SCNN1B: variants seen among roughly 807,000 people sequenced by gnomAD.
SCNN1B encodes the protein epithelial sodium channel subunit beta.
SCNN1B carries 46 observed loss-of-function variants against 65.3 expected under a neutral mutation model. That is an observed-to-expected ratio of 0.70 (90% confidence interval 0.56 to 0.90). The LOEUF (loss-of-function observed/expected upper bound fraction) is 0.90. Ranked by LOEUF, SCNN1B falls within the 40% of genes least tolerant of loss-of-function variation. SCNN1B has a pLI of 0.00. For synonymous variants in SCNN1B, 349 were observed against 330.6 expected, an observed-to-expected ratio of 1.06 and a Z score of -0.60; for missense variants, 751 against 830.5, an observed-to-expected ratio of 0.90 and a Z score of 1.18.
chr16:23,343,247 G>A (rs1962089380), intron 1 of SCNN1B, among the ~76,000 whole-genome samples: 6 of 151,804 alleles, frequency 4.0e-5, no homozygotes, highest in Admixed American at 3.3e-4. Flanking sequence ...CAGGTCAGGA[G>A]ATCGAGACCA....
At chr16:23,308,125 G>T (rs963970661) in intron 1 of SCNN1B, among the ~76,000 whole-genome samples, 2 of 152,180 alleles carry the variant, frequency 1.3e-5, no homozygotes, top group Non-Finnish European at 2.9e-5. Context: ...GATTGCTTGA[G>T]CCCAGGAGTT....
At chr16:23,343,587 GAA>G (rs1226020743) in intron 1 of SCNN1B, among the ~76,000 whole-genome samples, 1 of 42,266 alleles carries the variant, frequency 2.4e-5, no homozygotes, top group African/African-American at 8.1e-5. Context: ...AAAAGAGAAA[GAA>G]AGAAAGAAAG....
chr16:23,364,908 C>A (rs1962617604), intron 4 of SCNN1B, among the ~76,000 whole-genome samples: 1 of 151,990 alleles, frequency 6.6e-6, no homozygotes, highest in African/African-American at 2.4e-5. Flanking sequence ...GGTGGATTGC[C>A]TGAGGTCAGG....
At chr16:23,367,830 C>T (rs1244856691) in intron 4 of SCNN1B, 26 bp from the exon 5 acceptor site, 1 of 1,567,684 alleles carries the variant, frequency 6.4e-7, no homozygotes, top group Non-Finnish European at 8.8e-7. Flanking sequence ...TGGAACCTGC[C>T]CTGCAGCTGA....
rs1193783423 is a variant in SCNN1B at position 23,305,540 on chromosome 16, A to G, written c.-9+3103A>G. 1.6e-4 allele frequency among the ~76,000 whole-genome samples: 4 copies of G among 25,304 alleles called. No homozygotes were observed. The Admixed American group carries it at 1.7e-3, about 11-fold the overall frequency. 16.6% of individuals were successfully genotyped at this position (25,304 alleles called of 152,430 possible). ...TCTCTACCAAATATATATATTATATATATATATATATATATATATATATAT... is the reference window on the plus strand; with the variant it reads ...TCTCTACCAAATATATATATTATATGTATATATATATATATATATATATAT... On this transcript the variant is annotated intron_variant, in intron 1 of 12. Transcript: ENST00000343070.
At chr16:23,353,399 G>A (rs905873669) in intron 3 of SCNN1B, among the ~76,000 whole-genome samples, 14 of 152,276 alleles carry the variant, frequency 9.2e-5, no homozygotes, top group East Asian at 3.9e-4. Flanking sequence ...ATCTTTCTCC[G>A]TCTTGGTTCA....
upstream of SCNN1B, among the ~76,000 whole-genome samples, chr16:23,300,442 G>A (rs1229528815): frequency 1.3e-5 from 2 of 151,980 alleles, no homozygotes; most frequent in African/African-American, 2.4e-5. Flanking sequence ...GATTGCAGCC[G>A]ACTGAATACG....
intron 1 of SCNN1B, among the ~76,000 whole-genome samples, chr16:23,344,265 G>A (rs1470393619): frequency 6.6e-6 from 1 of 152,236 alleles, no homozygotes; most frequent in African/African-American, 2.4e-5. Context: ...CTGAGCCTGA[G>A]GCCTCATTGT....
chr16:23,343,610 A>G (rs1252261798), intron 1 of SCNN1B, among the ~76,000 whole-genome samples: 2 of 122,286 alleles, frequency 1.6e-5, no homozygotes, highest in East Asian at 6.2e-4. Context: ...AAAGAAAGAA[A>G]GAAAGAAAGA....
At position 23,305,571 on chromosome 16, in the gene SCNN1B, TATATATTA is replaced by T. The variant is rs1567290428; in HGVS notation, c.-9+3135_-9+3142del. 2.0e-3 allele frequency among the ~76,000 whole-genome samples: 67 copies of T among 33,654 alleles called. 4 individuals carry two copies. The highest frequency in any genetic ancestry group is 8.7e-3 in the African/African-American group (62 of 7,098). The allele number at this position is 33,654 out of a possible 152,430, so 22.1% of individuals were successfully genotyped here. On this transcript the variant is annotated intron_variant, in intron 1 of 12. Transcript: ENST00000343070. ...ATATATATATATATATATATATATA[TATATATTA>T]TATATATATATATATATATAACCTG... is the stretch of plus-strand genomic sequence containing the variant.
At chr16:23,303,056 A>G (rs1961119995) in intron 1 of SCNN1B, among the ~76,000 whole-genome samples, 1 of 152,136 alleles carries the variant, frequency 6.6e-6, no homozygotes, top group African/African-American at 2.4e-5. Flanking sequence ...GATGTGGTGG[A>G]GGAGGCCAGA....
At chr16:23,294,301 A>G (rs902813031) in intron 2 of SCNN1B, among the ~76,000 whole-genome samples, 5 of 152,066 alleles carry the variant, frequency 3.3e-5, no homozygotes, top group African/African-American at 1.2e-4. Flanking sequence ...GGAGGCTGAG[A>G]CACGAGAATC....
chr16:23,334,065 T>C (rs1961885283), intron 1 of SCNN1B, among the ~76,000 whole-genome samples: 1 of 152,062 alleles, frequency 6.6e-6, no homozygotes, highest in South Asian at 2.1e-4. Flanking sequence ...CCCTGCCCCA[T>C]AGAATGAGAG....
At chr16:23,335,509 G>A (rs1034915036) in intron 1 of SCNN1B, among the ~76,000 whole-genome samples, 37 of 148,122 alleles carry the variant, frequency 2.5e-4, no homozygotes, top group African/African-American at 9.1e-4. Context: ...AGGCCGGAGG[G>A]CAGGCTTGGC....
At chr16:23,291,475 A>AGT (rs71858801) in intron 2 of SCNN1B, among the ~76,000 whole-genome samples, 11,124 of 145,428 alleles carry the variant, frequency 0.076, 696 homozygotes, top group African/African-American at 0.18. Flanking sequence ...TGTGTGTGTA[A>AGT]GTGTGTGTGT....
At chr16:23,354,379 G>A (rs1962373660) in intron 3 of SCNN1B, among the ~76,000 whole-genome samples, 1 of 152,248 alleles carries the variant, frequency 6.6e-6, no homozygotes. Context: ...GAAGGGTGGT[G>A]TAAGAATGCC....
chr16:23,321,121 A>C (rs758306008), intron 1 of SCNN1B, among the ~76,000 whole-genome samples: 6 of 152,134 alleles, frequency 3.9e-5, no homozygotes, highest in Non-Finnish European at 8.8e-5. Flanking sequence ...AGCCGACTGC[A>C]ACCTCCGTCT....
chr16:23,348,833 G>A lies in SCNN1B; in HGVS notation c.234G>A (p.Glu78=), dbSNP rs1405881451. 7 of 1,614,038 alleles carry A rather than the reference G, an allele frequency of 4.3e-6. No homozygotes were observed. The highest frequency in any genetic ancestry group is 5.9e-6 in the Non-Finnish European group (7 of 1,180,050). The change falls in exon 2 of 13, where the codon GAG becomes GAA. Residue 78 remains glutamate (E), a synonymous_variant. Coordinates refer to ENST00000343070, the MANE Select transcript of SCNN1B (RefSeq NM_000336.3). The surrounding 1 kb of genome is among the most constrained non-coding windows in gnomAD (Gnocchi z 4.5). Reference sequence around the variant, plus strand: ...TCATCAGGACCTACTTGAGCTGGGAGGTCAGCGTCTCCCTCTCCGTAGGCT... The same window carrying A: ...TCATCAGGACCTACTTGAGCTGGGAAGTCAGCGTCTCCCTCTCCGTAGGCT... ...GIFIRTYLSW[E]VSVSLSVGFK...
upstream of SCNN1B, among the ~76,000 whole-genome samples, chr16:23,300,276 C>A (rs1415444381): frequency 6.6e-6 from 1 of 151,954 alleles, no homozygotes; most frequent in African/African-American, 2.4e-5. Flanking sequence ...ACCACCATGG[C>A]ACGTGTATAC....
Sources: allele counts gnomAD v4.1 joint callset (sites outside exome capture counted in the v4.1 genomes callset), GRCh38; gene constraint gnomAD v4.1.1; non-coding constraint Gnocchi (gnomAD v3.1); transcripts MANE v1.5; gene names NCBI Gene and HGNC (gene_info 2026-07-23, HGNC 2026-07-21).